Variants in NEO1 observed in about 807,000 individuals in gnomAD.
NEO1 encodes the protein neogenin 1.
A neutral mutation model predicts 159.7 loss-of-function variants in NEO1; 63 were observed. That is an observed-to-expected ratio of 0.39 (90% confidence interval 0.32 to 0.49). The LOEUF (loss-of-function observed/expected upper bound fraction) is 0.49. Among genes scored for constraint, NEO1 ranks in the 20% least tolerant of loss-of-function variants. The pLI, the probability that NEO1 is intolerant of heterozygous loss-of-function variation, is 0.85. For synonymous variants in NEO1, 633 were observed against 662.0 expected (o/e 0.96, Z 0.67); for missense variants, 1,615 against 1,831.0 (o/e 0.88, Z 2.15).
chr15:73,072,561 G>T (rs1014267099), intron 1 of NEO1, among the ~76,000 whole-genome samples: 2 of 152,122 alleles, frequency 1.3e-5, no homozygotes, highest in African/African-American at 2.4e-5. Context: ...TCCTGTCCTG[G>T]TAAAGTTCAC....
intron 22 of NEO1, among the ~76,000 whole-genome samples, chr15:73,279,338 TGTTTTG>T (rs1016050201): frequency 7.4e-6 from 1 of 135,728 alleles, no homozygotes; most frequent in Non-Finnish European, 1.7e-5. Context: ...GTTTTTTTGT[TGTTTTG>T]GTTTTGGTTT....
At chr15:73,294,593 G>T (rs2042284269) in intron 26 of NEO1, among the ~76,000 whole-genome samples, 1 of 152,120 alleles carries the variant, frequency 6.6e-6, no homozygotes. Context: ...AGGCTGGAGT[G>T]CAGTGGTGCG....
At chr15:73,053,165 T>C (rs2067541732) in intron 1 of NEO1, among the ~76,000 whole-genome samples, 1 of 151,974 alleles carries the variant, frequency 6.6e-6, no homozygotes, top group African/African-American at 2.4e-5. Flanking sequence ...ACTACACACC[T>C]CATTAAATAA....
At chr15:73,094,717 C>G (rs1469328828) in intron 1 of NEO1, among the ~76,000 whole-genome samples, 2 of 152,116 alleles carry the variant, frequency 1.3e-5, no homozygotes, top group African/African-American at 2.4e-5. Context: ...GGTTGCTTCC[C>G]CATGGTGTTT....
intron 18 of NEO1, 41 bp downstream of exon 18, chr15:73,270,495 T>C (rs780225341): frequency 2.9e-5 from 46 of 1,564,388 alleles, no homozygotes; most frequent in Non-Finnish European, 4.0e-5. Flanking sequence ...CTGCTTTTAC[T>C]TCCCAAGGAA....
chr15:73,079,764 A>G (rs973686627), intron 1 of NEO1, among the ~76,000 whole-genome samples: 6 of 152,172 alleles, frequency 3.9e-5, no homozygotes, highest in Non-Finnish European at 4.4e-5. Context: ...CGGAAACGAT[A>G]ATAAAATATT....
chr15:73,249,504 T>A, intron 10 of NEO1, 79 bp from the exon 11 acceptor site: 1 of 1,398,646 alleles, frequency 7.1e-7, no homozygotes. Flanking sequence ...GAATATAGAA[T>A]TTGTGTAGCT....
At chr15:73,052,292 TCCCGCCCCCCGCCCCCGCC>T (rs1254006980), upstream of NEO1, among the ~76,000 whole-genome samples, 7 of 102,220 alleles carry the variant, frequency 6.8e-5, no homozygotes, top group African/African-American at 1.1e-4. Context: ...CGCCCGGGAC[TCCCGCCCCCCGCCCCCGCC>T]CCCGCCCCCG....
intron 27 of NEO1, among the ~76,000 whole-genome samples, chr15:73,300,658 G>A (rs946260200): frequency 2.6e-5 from 4 of 152,180 alleles, no homozygotes; most frequent in Admixed American, 2.0e-4. Flanking sequence ...TTGAACCCGG[G>A]AGGTGGAGGT....
intron 9 of NEO1, among the ~76,000 whole-genome samples, chr15:73,244,808 G>A (rs529063554): frequency 2.7e-4 from 41 of 151,266 alleles, no homozygotes; most frequent in South Asian, 2.1e-3. Flanking sequence ...AAAATTAGCC[G>A]GGTATGGTAG....
intron 7 of NEO1, among the ~76,000 whole-genome samples, chr15:73,234,250 G>A (rs753154108): frequency 1.1e-4 from 17 of 152,136 alleles, no homozygotes; most frequent in Admixed American, 2.6e-4. Context: ...TACAATAATC[G>A]GAGATCCATA....
At chr15:73,174,264 A>G (rs9806271) in intron 5 of NEO1, among the ~76,000 whole-genome samples, 129,006 of 152,130 alleles carry the variant, frequency 0.85, 56,127 homozygotes, top group Non-Finnish European at 0.94. Context: ...GACCTTGTTG[A>G]AGAAAGTGTA....
chr15:73,244,677 G>A (rs2039662833), intron 9 of NEO1, among the ~76,000 whole-genome samples, 179 bp downstream of exon 9: 1 of 152,044 alleles, frequency 6.6e-6, no homozygotes, highest in Non-Finnish European at 1.5e-5. Context: ...AGGGCTGGGT[G>A]TAGTGGCTCA....
intron 16 of NEO1, among the ~76,000 whole-genome samples, chr15:73,268,850 G>A (rs2041035624): frequency 6.6e-6 from 1 of 152,190 alleles, no homozygotes. Context: ...AGCTCCATGA[G>A]TATAGACTTT....
At chr15:73,185,853 T>C (rs574286749) in intron 7 of NEO1, among the ~76,000 whole-genome samples, 1 of 152,082 alleles carries the variant, frequency 6.6e-6, no homozygotes, top group African/African-American at 2.4e-5. Flanking sequence ...AAATTATAAG[T>C]AAATGGGAGT....
intron 7 of NEO1, among the ~76,000 whole-genome samples, chr15:73,231,089 CATA>C (rs2038882808): frequency 6.6e-6 from 1 of 151,996 alleles, no homozygotes; most frequent in Non-Finnish European, 1.5e-5. Flanking sequence ...GAAGAAATAA[CATA>C]ATTCAATAAT....
At chr15:73,139,843 G>A (rs890190350) in intron 5 of NEO1, among the ~76,000 whole-genome samples, 1 of 152,214 alleles carries the variant, frequency 6.6e-6, no homozygotes, top group African/African-American at 2.4e-5. Flanking sequence ...CAGGAGTTGA[G>A]TAGTTGTGAC....
At chr15:73,260,037 G>T (rs2040548293) in intron 14 of NEO1, among the ~76,000 whole-genome samples, 1 of 148,864 alleles carries the variant, frequency 6.7e-6, no homozygotes, top group Non-Finnish European at 1.5e-5. Flanking sequence ...AATTAATATT[G>T]CAGTGTCTTG....
chr15:73,119,400 A>G (rs535365717), intron 2 of NEO1, among the ~76,000 whole-genome samples: 7 of 152,344 alleles, frequency 4.6e-5, no homozygotes, highest in Non-Finnish European at 8.8e-5. Flanking sequence ...TTGAAAGAAC[A>G]TTAAATAGGT....
Sources: allele counts gnomAD v4.1 joint callset (sites outside exome capture counted in the v4.1 genomes callset), GRCh38; gene constraint gnomAD v4.1.1; transcripts MANE v1.5; gene names NCBI Gene and HGNC (gene_info 2026-07-23, HGNC 2026-07-21).